The following C12orf42 variants were observed in gnomAD, a reference collection of about 807,000 sequenced individuals.
The protein encoded by C12orf42 is chromosome 12 open reading frame 42.
C12orf42 carries 25 observed loss-of-function variants against 21.6 expected under a neutral mutation model. The ratio of observed to expected loss-of-function variants is 1.16; its 90% CI spans 0.84 to 1.62. The LOEUF (loss-of-function observed/expected upper bound fraction) is 1.62. Among genes scored for constraint, C12orf42 ranks in the 40% most tolerant of loss-of-function variants. C12orf42 has a pLI of 0.00. For missense variants in C12orf42, 483 were observed against 459.3 expected, an observed-to-expected ratio of 1.05 and a Z score of -0.47; for synonymous variants, 174 against 175.0, an observed-to-expected ratio of 0.99 and a Z score of 0.05.
At chr12:103,175,307 G>A in the C12orf42 span, among the ~76,000 whole-genome samples, 3 of 152,024 alleles carry the variant, frequency 2.0e-5, no homozygotes, top group Admixed American at 2.0e-4. Flanking sequence ...AAAATGCAAA[G>A]TCACTCTGAT....
At chr12:103,150,264 G>C in the C12orf42 span, among the ~76,000 whole-genome samples, 1 of 152,158 alleles carries the variant, frequency 6.6e-6, no homozygotes, top group Non-Finnish European at 1.5e-5. Context: ...CAAATATAAA[G>C]TAACATCCCC....
chr12:103,065,970 A>G, the C12orf42 span, among the ~76,000 whole-genome samples: 1 of 152,198 alleles, frequency 6.6e-6, no homozygotes, highest in Non-Finnish European at 1.5e-5. Flanking sequence ...GCCACTTGGG[A>G]CATATGACCC....
At chr12:103,105,086 T>C in the C12orf42 span, among the ~76,000 whole-genome samples, 2 of 152,186 alleles carry the variant, frequency 1.3e-5, no homozygotes, top group Non-Finnish European at 2.9e-5. Context: ...CAGAAATCTC[T>C]GGGCCAACCA....
At chr12:103,207,083 G>A in the C12orf42 span, among the ~76,000 whole-genome samples, 2 of 152,182 alleles carry the variant, frequency 1.3e-5, no homozygotes, top group Admixed American at 1.3e-4. Flanking sequence ...TGTGCCTCCT[G>A]TAAGCAGAGG....
At chr12:103,054,314 T>A in the C12orf42 span, among the ~76,000 whole-genome samples, 1 of 151,902 alleles carries the variant, frequency 6.6e-6, no homozygotes, top group African/African-American at 2.4e-5. Context: ...ATTTGATTCA[T>A]CCTTAAGTAT....
the C12orf42 span, among the ~76,000 whole-genome samples, chr12:103,091,426 G>A: frequency 6.6e-6 from 1 of 151,572 alleles, no homozygotes; most frequent in Non-Finnish European, 1.5e-5. Flanking sequence ...TTTTCTTGGA[G>A]TCACAGAGCA....
At chr12:103,293,227 T>C (rs569554519) in intron 4 of C12orf42, among the ~76,000 whole-genome samples, 1 of 152,070 alleles carries the variant, frequency 6.6e-6, no homozygotes, top group African/African-American at 2.4e-5. Context: ...TCAACATATA[T>C]CTGCAGGTAT....
chr12:103,278,904 T>A (rs534850773), intron 4 of C12orf42, among the ~76,000 whole-genome samples: 1 of 152,334 alleles, frequency 6.6e-6, no homozygotes, highest in African/African-American at 2.4e-5. Flanking sequence ...AATGTTCCTG[T>A]CAGCCATTAT....
chr12:103,395,101 C>A (rs916188555), intron 3 of C12orf42, among the ~76,000 whole-genome samples: 4 of 152,194 alleles, frequency 2.6e-5, no homozygotes, highest in African/African-American at 9.7e-5. Context: ...CTAGGCCATG[C>A]CCTCATGGAT....
the C12orf42 span, among the ~76,000 whole-genome samples, chr12:103,523,554 T>C: frequency 1.3e-5 from 2 of 151,504 alleles, no homozygotes; most frequent in Non-Finnish European, 2.9e-5. Flanking sequence ...AATGTCTCTA[T>C]ATATGTATAT....
chr12:103,126,847 A>C, the C12orf42 span, among the ~76,000 whole-genome samples: 1 of 152,232 alleles, frequency 6.6e-6, no homozygotes, highest in Non-Finnish European at 1.5e-5. Flanking sequence ...ATAAGGAGAC[A>C]TCACTATATA....
chr12:103,238,396 C>T (rs2033557606), intron 10 of C12orf42, among the ~76,000 whole-genome samples: 1 of 152,118 alleles, frequency 6.6e-6, no homozygotes, highest in Admixed American at 6.5e-5. Flanking sequence ...GGATCAGCAG[C>T]TTTGGCATTG....
At chr12:103,072,288 G>A in the C12orf42 span, among the ~76,000 whole-genome samples, 4 of 151,956 alleles carry the variant, frequency 2.6e-5, no homozygotes, top group African/African-American at 9.7e-5. Flanking sequence ...TCTTTTGTGA[G>A]AATTAAATAA....
intron 1 of C12orf42, among the ~76,000 whole-genome samples, chr12:103,484,509 G>GT (rs1430778388): frequency 1.3e-5 from 2 of 152,040 alleles, no homozygotes; most frequent in African/African-American, 4.8e-5. Context: ...CAATGGGGTT[G>GT]TTTTTTTCTT....
At chr12:103,104,179 G>C in the C12orf42 span, among the ~76,000 whole-genome samples, 3 of 152,166 alleles carry the variant, frequency 2.0e-5, no homozygotes, top group African/African-American at 7.2e-5. Flanking sequence ...TTACCTGTGA[G>C]CACTTGCAGT....
At chr12:103,099,075 A>G in the C12orf42 span, among the ~76,000 whole-genome samples, 3 of 152,338 alleles carry the variant, frequency 2.0e-5, no homozygotes, top group African/African-American at 7.2e-5. Flanking sequence ...ATAAAAAAAA[A>G]TTGTTCATCC....
chr12:103,100,206 T>G, the C12orf42 span, among the ~76,000 whole-genome samples: 2 of 152,236 alleles, frequency 1.3e-5, no homozygotes, highest in African/African-American at 4.8e-5. Context: ...CCCACAGGAC[T>G]GGCCCAAACT....
the C12orf42 span, among the ~76,000 whole-genome samples, chr12:103,532,331 G>T: frequency 1.3e-5 from 2 of 152,128 alleles, no homozygotes; most frequent in African/African-American, 4.8e-5. Context: ...ATACAAAGTA[G>T]AAACACTCTA....
At chr12:103,279,361 T>C (rs1214488041) in intron 4 of C12orf42, among the ~76,000 whole-genome samples, 1 of 152,190 alleles carries the variant, frequency 6.6e-6, no homozygotes, top group Non-Finnish European at 1.5e-5. Context: ...ACATTAAATA[T>C]ATGCAGGGTT....
Sources: allele counts gnomAD v4.1 joint callset (sites outside exome capture counted in the v4.1 genomes callset), GRCh38; gene constraint gnomAD v4.1.1; transcripts MANE v1.5; gene names NCBI Gene and HGNC (gene_info 2026-07-23, HGNC 2026-07-21).